The following ENDOD1 variants were observed in gnomAD, a reference collection of about 807,000 sequenced individuals.
The protein encoded by ENDOD1 is endonuclease domain containing 1.
ENDOD1 carries 9 observed loss-of-function variants against 6.5 expected under a neutral mutation model. The observed-to-expected ratio is 1.39, with a 90% CI of 0.84 to 2.43. The LOEUF (loss-of-function observed/expected upper bound fraction) is 2.43. ENDOD1 is among the 30% of genes most tolerant of loss of function. The probability of loss-of-function intolerance (pLI) is 0.00; values close to 1 mark genes in which losing one functional copy is unlikely to be tolerated. For synonymous variants in ENDOD1, 255 were observed against 255.2 expected, an observed-to-expected ratio of 1.00 and a Z score of 0.01; for missense variants, 648 against 635.5, an observed-to-expected ratio of 1.02 and a Z score of -0.21.
At chr11:95,100,626 G>A (rs1401999264) in intron 1 of ENDOD1, among the ~76,000 whole-genome samples, 1 of 151,874 alleles carries the variant, frequency 6.6e-6, no homozygotes, top group African/African-American at 2.4e-5. Flanking sequence ...GTAGACCACA[G>A]GCATGTGCCA....
At chr11:95,106,291 A>G (rs1233210960) in intron 1 of ENDOD1, among the ~76,000 whole-genome samples, 3 of 152,216 alleles carry the variant, frequency 2.0e-5, no homozygotes, top group African/African-American at 7.2e-5. Context: ...TTTAGGTAGC[A>G]TAGAGGAATG....
In ENDOD1 at chr11:95,130,282, G is replaced by A. The variant is rs1348832624; in HGVS notation, c.*703G>A. 1 of 151,140 alleles carries A rather than the reference G, an allele frequency of 6.6e-6. No homozygotes were observed. Among genetic ancestry groups the A allele is most frequent in the Non-Finnish European group, 1.5e-5 (1 of 67,920 alleles). 9.4% of individuals were successfully genotyped at this position (151,140 alleles called of 1,614,324 possible). ...TAATGGTAAGCATTTTATGCCAAAT[G>A]TGGCATAACAGAGTTTGAATTGAAG... is the stretch of plus-strand genomic sequence containing the variant. On this transcript the variant is annotated 3_prime_UTR_variant, in exon 2 of 2. Transcript: ENST00000278505.
At chr11:95,101,480 T>G (rs1053237182) in intron 1 of ENDOD1, among the ~76,000 whole-genome samples, 1 of 152,220 alleles carries the variant, frequency 6.6e-6, no homozygotes, top group Non-Finnish European at 1.5e-5. Flanking sequence ...ACTAATCTTT[T>G]TATTGTCTCG....
At chr11:95,108,538 AAAAG>A (rs1565445884) in intron 1 of ENDOD1, among the ~76,000 whole-genome samples, 1 of 124,716 alleles carries the variant, frequency 8.0e-6, no homozygotes, top group African/African-American at 3.5e-5. Context: ...GACACCCAAA[AAAAG>A]AAAAAAGAAA....
At position 95,090,053 on chromosome 11, in the gene ENDOD1, C is replaced by A. The variant is rs782719665; in HGVS notation, c.126C>A (p.Thr42=). 2 of 1,602,562 alleles carry A rather than the reference C, an allele frequency of 1.2e-6. No individual in the cohort carries two copies. Among genetic ancestry groups the A allele is most frequent in the Non-Finnish European group, 1.7e-6 (2 of 1,175,790 alleles). Residue 42 remains threonine (T), a synonymous_variant, in exon 1 of 2, where the codon ACC becomes ACA. Transcript: ENST00000278505. ...GTGACAAGTTCTTCTACGCCGGGAC[C>A]CCGCCTGCGGGGCTGGCGGCCGATT... The part of the protein sequence containing the change: ...GECDKFFYAG[T]PPAGLAADSH...
chr11:95,108,967 C>T (rs990911145), intron 1 of ENDOD1, among the ~76,000 whole-genome samples: 1 of 152,192 alleles, frequency 6.6e-6, no homozygotes, highest in Admixed American at 6.5e-5. Flanking sequence ...CTTTGACCCA[C>T]CTGATGATGG....
intron 1 of ENDOD1, among the ~76,000 whole-genome samples, chr11:95,095,632 G>T (rs1315098805): frequency 1.3e-5 from 2 of 152,168 alleles, no homozygotes; most frequent in African/African-American, 4.8e-5. Context: ...GGACAATCTA[G>T]GCAAGGAACT....
chr11:95,097,015 G>A (rs2134161857), intron 1 of ENDOD1, among the ~76,000 whole-genome samples: 1 of 152,124 alleles, frequency 6.6e-6, no homozygotes, highest in African/African-American at 2.4e-5. Flanking sequence ...TTAGCGAGGA[G>A]TGCTGGCATG....
intron 1 of ENDOD1, among the ~76,000 whole-genome samples, chr11:95,118,477 A>G (rs1331265464): frequency 2.0e-5 from 3 of 152,174 alleles, no homozygotes; most frequent in African/African-American, 7.2e-5. Flanking sequence ...CTAAATATGG[A>G]ATGCCACTCT....
intron 1 of ENDOD1, among the ~76,000 whole-genome samples, chr11:95,092,890 C>G (rs782672592): frequency 1.2e-4 from 19 of 152,178 alleles, no homozygotes; most frequent in African/African-American, 1.7e-4. Flanking sequence ...CTCCTTGTAC[C>G]CACATCACCT....
chr11:95,102,263 A>C (rs1555110953), intron 1 of ENDOD1, among the ~76,000 whole-genome samples: 1 of 152,198 alleles, frequency 6.6e-6, no homozygotes, highest in East Asian at 1.9e-4. Flanking sequence ...CCCAGGAGAA[A>C]ACCCAGGAGA....
At chr11:95,102,429 T>G (rs1382041085) in intron 1 of ENDOD1, among the ~76,000 whole-genome samples, 1 of 150,724 alleles carries the variant, frequency 6.6e-6, no homozygotes, top group Non-Finnish European at 1.5e-5. Flanking sequence ...CCCAGCACTT[T>G]GGGAGGCCGA....
chr11:95,097,025 G>A (rs1354942983), intron 1 of ENDOD1, among the ~76,000 whole-genome samples: 113 of 152,094 alleles, frequency 7.4e-4, no homozygotes, highest in Non-Finnish European at 1.0e-4. Context: ...GTGCTGGCAT[G>A]CACCTGTAGT....
chr11:95,116,018 G>GTAT (rs782387406), intron 1 of ENDOD1, among the ~76,000 whole-genome samples: 3 of 152,064 alleles, frequency 2.0e-5, no homozygotes, highest in Non-Finnish European at 2.9e-5. Context: ...GTGTTTGGAT[G>GTAT]TATTCTCTTC....
At chr11:95,124,197 A>T (rs1356537372) in intron 1 of ENDOD1, among the ~76,000 whole-genome samples, 1 of 152,240 alleles carries the variant, frequency 6.6e-6, no homozygotes, top group Non-Finnish European at 1.5e-5. Context: ...CTAGAAAAAA[A>T]AATCATTGAA....
chr11:95,111,897 A>G (rs1320559948), intron 1 of ENDOD1, among the ~76,000 whole-genome samples: 1 of 152,146 alleles, frequency 6.6e-6, no homozygotes, highest in Non-Finnish European at 1.5e-5. Context: ...TGCATGGAAG[A>G]CGATGTTTGT....
chr11:95,099,364 G>A (rs1236784138), intron 1 of ENDOD1, among the ~76,000 whole-genome samples: 1 of 152,232 alleles, frequency 6.6e-6, no homozygotes, highest in African/African-American at 2.4e-5. Flanking sequence ...CAGGCTGTTG[G>A]ATTGGATGTG....
intron 1 of ENDOD1, among the ~76,000 whole-genome samples, chr11:95,108,244 C>G (rs923395080): frequency 1.4e-4 from 22 of 152,146 alleles, no homozygotes; most frequent in African/African-American, 5.1e-4. Flanking sequence ...TCCGTTCCAC[C>G]GTCTTCTGAC....
intron 1 of ENDOD1, among the ~76,000 whole-genome samples, chr11:95,111,239 C>T (rs1426364094): frequency 1.3e-5 from 2 of 152,176 alleles, no homozygotes; most frequent in African/African-American, 2.4e-5. Flanking sequence ...CGTTCAGTGC[C>T]TTCCTGCTCC....
Sources: gnomAD v4.1 joint callset for allele counts (sites outside exome capture counted in the v4.1 genomes callset) on GRCh38, gnomAD v4.1.1 for gene constraint, MANE v1.5 for transcripts, NCBI Gene and HGNC (gene_info 2026-07-23, HGNC 2026-07-21) for gene names.